Variants in NMNAT2 observed in about 807,000 individuals in gnomAD.
NMNAT2 encodes the protein nicotinamide/nicotinic acid mononucleotide adenylyltransferase 2.
Under a neutral mutation model 41.6 loss-of-function variants are expected in NMNAT2, and 11 were observed. That is an observed-to-expected ratio of 0.26 (90% CI 0.17 to 0.44). NMNAT2 has a LOEUF of 0.44. Ranked by LOEUF, NMNAT2 falls within the 20% of genes least tolerant of loss-of-function variation. NMNAT2 has a pLI of 1.00. For missense variants in NMNAT2, 288 were observed against 407.7 expected (o/e 0.71, Z 2.53); for synonymous variants, 148 against 151.2 (o/e 0.98, Z 0.16).
chr1:183,353,486 TTG>T (rs1663111855), intron 1 of NMNAT2, among the ~76,000 whole-genome samples: 1 of 152,156 alleles, frequency 6.6e-6, no homozygotes, highest in South Asian at 2.1e-4. Flanking sequence ...TCTCACTCCA[TTG>T]GAGACTTAAA....
At chr1:183,284,850 C>T (rs1661362202) in intron 5 of NMNAT2, 60 bp from the exon 6 acceptor site, 2 of 1,423,320 alleles carry the variant, frequency 1.4e-6, no homozygotes, top group Non-Finnish European at 2.0e-6. Context: ...ACAACTGGCA[C>T]TCATGTCGGC....
At position 183,378,981 on chromosome 1, in the gene NMNAT2, A is replaced by G. The variant is rs575338678; in HGVS notation, c.85+39202T>C. Among the ~76,000 whole-genome samples the G allele has an allele frequency of 3.7e-4, 56 of 152,078 alleles. No homozygotes were observed. In the South Asian group the frequency reaches 6.0e-3, roughly 16 times the overall value. On this transcript the variant is annotated intron_variant, in intron 1 of 10. Transcript: ENST00000287713. ...TCACTTGAACCTGGGAGGAGGTTGC[A>G]GTGAGTGATCTCAATCACACCACTG...
chr1:183,401,045 A>G (rs1402567447), intron 1 of NMNAT2, among the ~76,000 whole-genome samples: 3 of 152,216 alleles, frequency 2.0e-5, no homozygotes, highest in East Asian at 1.9e-4. Context: ...AATGGCAACA[A>G]AAGCCAAAAT....
intron 1 of NMNAT2, among the ~76,000 whole-genome samples, chr1:183,336,864 T>A (rs1240530111): frequency 6.6e-6 from 1 of 152,182 alleles, no homozygotes; most frequent in Admixed American, 6.5e-5. Context: ...AACAATGGAA[T>A]ACTTCATAGC....
intron 1 of NMNAT2, among the ~76,000 whole-genome samples, chr1:183,320,135 G>A (rs560890247): frequency 6.6e-6 from 1 of 152,332 alleles, no homozygotes; most frequent in Non-Finnish European, 1.5e-5. Flanking sequence ...GATGAGAGGA[G>A]AAACAAGATG....
intron 1 of NMNAT2, among the ~76,000 whole-genome samples, chr1:183,400,345 C>G (rs1344708550): frequency 6.6e-6 from 1 of 152,130 alleles, no homozygotes; most frequent in African/African-American, 2.4e-5. Context: ...ACCTAGGAAT[C>G]CAACTTACAA....
chr1:183,305,716 C>CTTTTTTT (rs5741563), intron 1 of NMNAT2, among the ~76,000 whole-genome samples: 1 of 123,170 alleles, frequency 8.1e-6, no homozygotes, highest in Non-Finnish European at 1.6e-5. Flanking sequence ...CCTTTACAGC[C>CTTTTTTT]TTTTTTTTTT....
intron 8 of NMNAT2, among the ~76,000 whole-genome samples, chr1:183,277,625 C>T (rs1661155173): frequency 6.6e-6 from 1 of 151,974 alleles, no homozygotes; most frequent in African/African-American, 2.4e-5. Context: ...CTCTGTCCTG[C>T]CTCGATCTCT....
chr1:183,410,157 C>CAAAA (rs57169849), intron 1 of NMNAT2, among the ~76,000 whole-genome samples: 1 of 128,696 alleles, frequency 7.8e-6, no homozygotes. Flanking sequence ...AAAATAATAC[C>CAAAA]AAAAAAAAAA....
intron 1 of NMNAT2, among the ~76,000 whole-genome samples, chr1:183,318,100 T>G (rs1055327219): frequency 6.6e-6 from 1 of 152,238 alleles, no homozygotes; most frequent in African/African-American, 2.4e-5. Context: ...CATGGCCCTA[T>G]GGAAGCTCTG....
intron 1 of NMNAT2, among the ~76,000 whole-genome samples, chr1:183,413,832 C>T (rs1211683291): frequency 6.6e-6 from 1 of 152,088 alleles, no homozygotes; most frequent in Non-Finnish European, 1.5e-5. Context: ...TGGTCTCGAT[C>T]TCCTGACCTC....
chr1:183,409,427 C>T (rs1461889548), intron 1 of NMNAT2, among the ~76,000 whole-genome samples: 1 of 152,148 alleles, frequency 6.6e-6, no homozygotes, highest in African/African-American at 2.4e-5. Flanking sequence ...AGCCATCCTC[C>T]CACCTCAGCC....
At chr1:183,375,410 C>T (rs1663654642) in intron 1 of NMNAT2, among the ~76,000 whole-genome samples, 1 of 152,206 alleles carries the variant, frequency 6.6e-6, no homozygotes, top group Non-Finnish European at 1.5e-5. Context: ...CTCTTCAGCA[C>T]TTTCTATTTC....
chr1:183,382,267 G>T (rs1007399781), intron 1 of NMNAT2, among the ~76,000 whole-genome samples: 2 of 152,114 alleles, frequency 1.3e-5, no homozygotes, highest in African/African-American at 4.8e-5. Context: ...GAACAGCAAG[G>T]GGGAGATCTG....
rs141430149 is a variant in NMNAT2 at position 183,312,105 on chromosome 1, C to T, written c.86-18312G>A. Among the ~76,000 whole-genome samples, 778 of 152,176 alleles carry T rather than the reference C, an allele frequency of 5.1e-3. 5 individuals are homozygous for T. The highest frequency in any genetic ancestry group is 0.01 in the Middle Eastern group (3 of 294). ...AAACCTCTTTCTTTTGCAAATTGCC[C>T]AGTCTCAGTTATGTCTTTACCGGCA... On this transcript the variant is annotated intron_variant, in intron 1 of 10. Coordinates refer to ENST00000287713, the MANE Select transcript of NMNAT2 (RefSeq NM_015039.4).
intron 1 of NMNAT2, among the ~76,000 whole-genome samples, chr1:183,301,674 C>G (rs531213533): frequency 2.6e-5 from 4 of 152,310 alleles, no homozygotes; most frequent in African/African-American, 9.6e-5. Flanking sequence ...CACTTGGAAC[C>G]AGGTAAATCT....
chr1:183,395,044 A>G (rs766177176), intron 1 of NMNAT2, among the ~76,000 whole-genome samples: 1 of 152,150 alleles, frequency 6.6e-6, no homozygotes, highest in Non-Finnish European at 1.5e-5. Context: ...CCAGGTATTC[A>G]GGGGTGACTG....
chr1:183,306,287 A>G (rs1286452835), intron 1 of NMNAT2, among the ~76,000 whole-genome samples: 2 of 152,194 alleles, frequency 1.3e-5, no homozygotes, highest in Non-Finnish European at 2.9e-5. Context: ...TAACATGGTA[A>G]AAGGAATCCA....
At chr1:183,394,316 T>C (rs1445345533) in intron 1 of NMNAT2, among the ~76,000 whole-genome samples, 2 of 152,180 alleles carry the variant, frequency 1.3e-5, no homozygotes, top group African/African-American at 2.4e-5. Context: ...TTTCAGAAGA[T>C]AGTGCTAAGA....
Sources: allele counts gnomAD v4.1 joint callset (sites outside exome capture counted in the v4.1 genomes callset), GRCh38; gene constraint gnomAD v4.1.1; transcripts MANE v1.5; gene names NCBI Gene and HGNC (gene_info 2026-07-23, HGNC 2026-07-21).